LPP: variants seen among roughly 807,000 people sequenced by gnomAD.
LPP encodes the protein LIM domain containing preferred translocation partner in lipoma.
A neutral mutation model predicts 60.4 loss-of-function variants in LPP; 38 were observed. The observed-to-expected ratio is 0.63, with a 90% CI of 0.49 to 0.83. The LOEUF is 0.83. LPP is among the 40% of genes least tolerant of loss of function. The pLI is 0.00. For synonymous variants in LPP, 328 were observed against 290.8 expected (o/e 1.13, Z -1.30); for missense variants, 902 against 783.6 (o/e 1.15, Z -1.80).
In LPP at chr3:188,353,146, T is replaced by C. The variant is rs927890034; in HGVS notation, c.-10+11427T>C. Among the ~76,000 whole-genome samples, 9 of 152,302 alleles carry C rather than the reference T, an allele frequency of 5.9e-5. 1 individual carries two copies. Among genetic ancestry groups the C allele is most frequent in the African/African-American group, 2.2e-4 (9 of 41,566 alleles). On this transcript the variant is annotated intron_variant, in intron 3 of 11. Transcript: ENST00000617246. ...TCAAGTATTTTTCCAATAGTTTATA[T>C]GTGAAATGTGGTCTCCGCCACAAGA...
intron 3 of LPP, among the ~76,000 whole-genome samples, chr3:188,354,815 G>A (rs1431921382): frequency 5.8e-5 from 5 of 85,568 alleles, no homozygotes; most frequent in African/African-American, 2.0e-4. Context: ...ACACACGCGC[G>A]TGCGCGCACA....
At chr3:188,854,044 T>G (rs1470865593) in intron 9 of LPP, among the ~76,000 whole-genome samples, 1 of 152,184 alleles carries the variant, frequency 6.6e-6, no homozygotes, top group African/African-American at 2.4e-5. Context: ...AGGAAAGTGT[T>G]AGTTCACTGT....
At chr3:188,419,468 G>A (rs1237489362) in intron 4 of LPP, among the ~76,000 whole-genome samples, 1 of 152,174 alleles carries the variant, frequency 6.6e-6, no homozygotes, top group Non-Finnish European at 1.5e-5. Context: ...ACTCAGGGAG[G>A]CAGTGGTTAA....
intron 2 of LPP, among the ~76,000 whole-genome samples, chr3:188,334,579 C>T (rs539828459): frequency 1.4e-4 from 22 of 151,922 alleles, no homozygotes; most frequent in East Asian, 1.2e-3. Flanking sequence ...TACAGACGCG[C>T]GCTACCACGC....
intron 9 of LPP, among the ~76,000 whole-genome samples, chr3:188,814,011 G>T (rs187043134): frequency 5.1e-4 from 78 of 152,262 alleles, no homozygotes; most frequent in African/African-American, 1.9e-3. Flanking sequence ...GACAGAGGTT[G>T]CAGTGAGCCG....
intron 2 of LPP, among the ~76,000 whole-genome samples, chr3:188,250,725 T>C (rs1402395630): frequency 1.6e-4 from 3 of 19,334 alleles, no homozygotes; most frequent in Non-Finnish European, 3.1e-4. Context: ...TTTCTTTCTC[T>C]CTTTCTTTCT....
At chr3:188,454,261 C>G (rs954128534) in intron 4 of LPP, among the ~76,000 whole-genome samples, 1 of 152,168 alleles carries the variant, frequency 6.6e-6, no homozygotes, top group Admixed American at 6.6e-5. Flanking sequence ...TGTAGGTAAG[C>G]AAGAGCTAAC....
intron 6 of LPP, among the ~76,000 whole-genome samples, chr3:188,530,570 G>A (rs114915481): frequency 1.4e-3 from 219 of 152,272 alleles, no homozygotes; most frequent in African/African-American, 5.1e-3. Context: ...ACACACTCAA[G>A]GAGGCTCATT....
At chr3:188,584,871 T>C (rs1837090777) in intron 6 of LPP, among the ~76,000 whole-genome samples, 2 of 152,088 alleles carry the variant, frequency 1.3e-5, no homozygotes, top group African/African-American at 2.4e-5. Context: ...CTCTCTGTGA[T>C]ATAAATTTAT....
chr3:188,200,654 C>T (rs1206636530), intron 1 of LPP, among the ~76,000 whole-genome samples: 2 of 152,158 alleles, frequency 1.3e-5, no homozygotes, highest in Non-Finnish European at 2.9e-5. Flanking sequence ...AGCTTCACTT[C>T]CACCTTCCAG....
chr3:188,620,769 G>C (rs1387244585), intron 7 of LPP, among the ~76,000 whole-genome samples: 1 of 152,092 alleles, frequency 6.6e-6, no homozygotes, highest in African/African-American at 2.4e-5. Context: ...CCACCAGCAG[G>C]GTATGAGGAT....
chr3:188,511,057 C>G (rs182015955), intron 5 of LPP, among the ~76,000 whole-genome samples: 2 of 144,220 alleles, frequency 1.4e-5, no homozygotes, highest in African/African-American at 2.6e-5. Flanking sequence ...TTCTCCCTCT[C>G]CCTCCTTTCC....
intron 4 of LPP, among the ~76,000 whole-genome samples, chr3:188,456,923 G>A (rs1797865685): frequency 6.6e-6 from 1 of 152,266 alleles, no homozygotes. Context: ...AGCCAGAGCT[G>A]GAGTCACTCC....
chr3:188,519,947 C>A (rs1678461143), intron 5 of LPP, among the ~76,000 whole-genome samples: 1 of 152,122 alleles, frequency 6.6e-6, no homozygotes, highest in Non-Finnish European at 1.5e-5. Context: ...TGATAGTTGG[C>A]CTGAAATATG....
At chr3:188,777,042 G>T (rs879780482) in intron 9 of LPP, among the ~76,000 whole-genome samples, 3 of 152,266 alleles carry the variant, frequency 2.0e-5, no homozygotes, top group South Asian at 4.1e-4. Context: ...CTGTTTTCCA[G>T]TTATGTTAAT....
chr3:188,240,932 A>G (rs917483769), intron 2 of LPP, among the ~76,000 whole-genome samples: 1 of 152,184 alleles, frequency 6.6e-6, no homozygotes, highest in African/African-American at 2.4e-5. Flanking sequence ...CATTTTGTGG[A>G]TCTTTTATAT....
intron 2 of LPP, among the ~76,000 whole-genome samples, chr3:188,294,451 G>T (rs1747166859): frequency 6.6e-6 from 1 of 152,160 alleles, no homozygotes; most frequent in Non-Finnish European, 1.5e-5. Context: ...AACTCATATT[G>T]ATTTGTTTTT....
In LPP at chr3:188,885,422, C is replaced by T. The variant is rs866612956; in HGVS notation, c.*10943C>T. ...AGTCCTCATGCCTGAGGAATAAGGG[C>T]GACATTAATGGGAGCGGGAGAGTGG... On this transcript the variant is annotated 3_prime_UTR_variant, in exon 12 of 12. Transcript: ENST00000617246. The T allele has an allele frequency of 1.6e-5, 3 of 190,706 alleles. No homozygotes were observed. Among genetic ancestry groups the T allele is most frequent in the East Asian group, 8.3e-5 (1 of 12,080 alleles). The allele number at this position is 190,706 out of a possible 1,614,324, so 11.8% of individuals were successfully genotyped here.
At chr3:188,663,511 C>G (rs537418843) in intron 7 of LPP, among the ~76,000 whole-genome samples, 5 of 152,168 alleles carry the variant, frequency 3.3e-5, no homozygotes, top group African/African-American at 1.2e-4. Context: ...TTGAGTGTCA[C>G]GTACATCGCT....
Sources: allele counts gnomAD v4.1 joint callset (sites outside exome capture counted in the v4.1 genomes callset), GRCh38; gene constraint gnomAD v4.1.1; transcripts MANE v1.5; gene names NCBI Gene and HGNC (gene_info 2026-07-23, HGNC 2026-07-21).